Variants in TTC27 observed in about 807,000 individuals in gnomAD.
TTC27 encodes tetratricopeptide repeat protein 27.
In TTC27, 79 loss-of-function variants were observed where a neutral mutation model predicts 115.9. That is an observed-to-expected ratio of 0.68 (90% CI 0.57 to 0.82). TTC27 has a LOEUF of 0.82. Ranked by LOEUF, TTC27 falls within the 40% of genes least tolerant of loss-of-function variation. TTC27 has a pLI of 0.00. For synonymous variants in TTC27, 401 were observed against 356.0 expected (o/e 1.13, Z -1.42); for missense variants, 1,054 against 993.1 (o/e 1.06, Z -0.82).
In TTC27 at chr2:32,672,335, C is replaced by T; in HGVS notation, c.1003C>T (p.Gln335Ter). ...DIKLADCEQF[Q>*]MPDLCAEEIA... Reference sequence around the variant, plus strand: ...AAAGTTAGCAGATTGTGAACAGTTCCAGATGCCGGATCTGTGTGCTGAAGA... The same window carrying T: ...AAAGTTAGCAGATTGTGAACAGTTCTAGATGCCGGATCTGTGTGCTGAAGA... Residue 335 changes from glutamine (Q) to a stop codon, truncating the protein, a stop_gained, in exon 8 of 20, where the codon CAG becomes TAG. Coordinates refer to ENST00000317907, the MANE Select transcript of TTC27 (RefSeq NM_017735.5). LOFTEE classifies it high-confidence loss of function. 1 of 1,613,924 alleles carries T rather than the reference C, an allele frequency of 6.2e-7. No homozygotes were observed. Among genetic ancestry groups the T allele is most frequent in the Non-Finnish European group, 8.5e-7 (1 of 1,179,894 alleles).
chr2:32,798,469 C>T (rs1191903879), intron 16 of TTC27, among the ~76,000 whole-genome samples: 7 of 151,176 alleles, frequency 4.6e-5, no homozygotes, highest in Non-Finnish European at 7.4e-5. Flanking sequence ...TTTGGGAGGC[C>T]GAGGCGGGCG....
chr2:32,659,336 C>G (rs1665447767), intron 5 of TTC27, among the ~76,000 whole-genome samples: 1 of 144,046 alleles, frequency 6.9e-6, no homozygotes, highest in African/African-American at 2.5e-5. Flanking sequence ...TCGTCTTCAT[C>G]AGATTTTTGG....
intron 9 of TTC27, among the ~76,000 whole-genome samples, chr2:32,689,245 GTGGT>G: frequency 6.6e-6 from 1 of 152,232 alleles, no homozygotes; most frequent in African/African-American, 2.4e-5. Flanking sequence ...TGATTTAATA[GTGGT>G]TATATAGGTG....
chr2:32,791,969 T>C lies in TTC27; in HGVS notation c.1998+4820T>C, dbSNP rs76900338. On this transcript the variant is annotated intron_variant, in intron 16 of 19. Transcript: ENST00000317907. Reference sequence around the variant, plus strand: ...ATGTAATCACCACCCCAAACAGTTATGGAACATTTTCATTACTACAGAAAG... The same window carrying C: ...ATGTAATCACCACCCCAAACAGTTACGGAACATTTTCATTACTACAGAAAG... Among the ~76,000 whole-genome samples, 1,432 of 152,354 alleles carry C rather than the reference T, an allele frequency of 9.4e-3. 12 individuals carry two copies. Among genetic ancestry groups the C allele is most frequent in the Middle Eastern group, 0.027 (8 of 294 alleles).
At chr2:32,779,684 C>T (rs1221633929) in intron 14 of TTC27, among the ~76,000 whole-genome samples, 2 of 151,736 alleles carry the variant, frequency 1.3e-5, no homozygotes, top group Non-Finnish European at 2.9e-5. Flanking sequence ...TCTTTTGTTG[C>T]TCATACTTTT....
chr2:32,674,826 A>G lies in TTC27; in HGVS notation c.1052+2442A>G, dbSNP rs530664320. Among the ~76,000 whole-genome samples, 134 of 152,070 alleles carry G rather than the reference A, an allele frequency of 8.8e-4. 2 individuals carry two copies. Among genetic ancestry groups the G allele is most frequent in the African/African-American group, 2.9e-3 (121 of 41,488 alleles). ...AGGCGCCCACCACCACAGCTGGCTAATTTTGTTTTATGTATTTGGTAGATA... is the reference window on the plus strand; with the variant it reads ...AGGCGCCCACCACCACAGCTGGCTAGTTTTGTTTTATGTATTTGGTAGATA... On this transcript the variant is annotated intron_variant, in intron 8 of 19. Transcript: ENST00000317907.
chr2:32,785,044 C>G (rs757055873), intron 15 of TTC27, among the ~76,000 whole-genome samples: 193 of 152,168 alleles, frequency 1.3e-3, no homozygotes, highest in Non-Finnish European at 2.2e-3. Context: ...GGTAAATGCT[C>G]TTAACCTTTG....
At chr2:32,714,334 A>G (rs1280087834) in intron 10 of TTC27, among the ~76,000 whole-genome samples, 1 of 151,586 alleles carries the variant, frequency 6.6e-6, no homozygotes, top group African/African-American at 2.4e-5. Flanking sequence ...AATTTTTTGT[A>G]TTTTTAGTAG....
chr2:32,682,601 G>C (rs921867312), intron 9 of TTC27, among the ~76,000 whole-genome samples: 1 of 152,038 alleles, frequency 6.6e-6, no homozygotes, highest in African/African-American at 2.4e-5. Flanking sequence ...CCTGGGACTA[G>C]GGTTGTGAAC....
intron 10 of TTC27, among the ~76,000 whole-genome samples, chr2:32,719,712 C>A (rs377433174): frequency 6.6e-6 from 1 of 152,160 alleles, no homozygotes; most frequent in Admixed American, 6.5e-5. Flanking sequence ...AAGCTGGAGA[C>A]AATACAGCAT....
At chr2:32,750,673 A>C (rs1020446486) in intron 12 of TTC27, among the ~76,000 whole-genome samples, 1 of 152,218 alleles carries the variant, frequency 6.6e-6, no homozygotes, top group African/African-American at 2.4e-5. Flanking sequence ...GGAAACTTTA[A>C]AATTTCTTCA....
At chr2:32,744,169 A>G (rs1668739512) in intron 12 of TTC27, among the ~76,000 whole-genome samples, 1 of 152,208 alleles carries the variant, frequency 6.6e-6, no homozygotes, top group Admixed American at 6.5e-5. Flanking sequence ...TGTGGCTCTC[A>G]TATTTACAGC....
chr2:32,791,946 G>A (rs180881990), intron 16 of TTC27, among the ~76,000 whole-genome samples: 10 of 152,244 alleles, frequency 6.6e-5, no homozygotes, highest in African/African-American at 2.4e-4. Flanking sequence ...GTATTCTTAT[G>A]TAATCACCAC....
chr2:32,704,375 T>A (rs1453866900), intron 10 of TTC27, among the ~76,000 whole-genome samples: 1 of 151,998 alleles, frequency 6.6e-6, no homozygotes, highest in East Asian at 1.9e-4. Flanking sequence ...TTAGTAGAGA[T>A]GGAGGTTTCA....
At chr2:32,630,463 T>G in intron 1 of TTC27, 60 bp from the exon 2 acceptor site, 1 of 1,338,390 alleles carries the variant, frequency 7.5e-7, no homozygotes, top group Non-Finnish European at 1.0e-6. Flanking sequence ...AATAGTGTTA[T>G]CCTTTACGGT....
rs777824832 is a variant in TTC27, at chr2:32,812,565, A to G, written c.2258A>G (p.Asp753Gly). The change falls in exon 18 of 20, where the codon GAT (aspartate) becomes GGT (glycine). Residue 753 changes from aspartate to glycine, a missense_variant. Asp to Gly is a moderately conservative substitution (Grantham distance 94, BLOSUM62 -1). Coordinates refer to ENST00000317907, the MANE Select transcript of TTC27 (RefSeq NM_017735.5). Reference sequence around the variant, plus strand: ...ACCCAGTCCAATTGTTGGGAGAAAGATATTACATCATTTAAGGAAGTTGTT... The same window carrying G: ...ACCCAGTCCAATTGTTGGGAGAAAGGTATTACATCATTTAAGGAAGTTGTT... ...CDTQSNCWEK[D>G]ITSFKEVVQR... 22 of 1,614,138 alleles carry G rather than the reference A, an allele frequency of 1.4e-5. No homozygotes were observed. The highest frequency in any genetic ancestry group is 1.9e-5 in the Non-Finnish European group (22 of 1,179,978).
chr2:32,778,520 C>A (rs1281837782), intron 14 of TTC27, among the ~76,000 whole-genome samples: 2 of 152,192 alleles, frequency 1.3e-5, no homozygotes, highest in African/African-American at 4.8e-5. Flanking sequence ...CCCCTTCAGC[C>A]CTAGGCAAAC....
At chr2:32,758,839 A>G (rs1360354427) in intron 13 of TTC27, among the ~76,000 whole-genome samples, 6 of 152,244 alleles carry the variant, frequency 3.9e-5, no homozygotes, top group Non-Finnish European at 8.8e-5. Flanking sequence ...GAAAATGAAC[A>G]AGAGCCAAAA....
At chr2:32,644,136 G>A (rs1020712475) in intron 4 of TTC27, among the ~76,000 whole-genome samples, 5 of 141,734 alleles carry the variant, frequency 3.5e-5, no homozygotes, top group African/African-American at 1.3e-4. Flanking sequence ...AATCGAGATC[G>A]TTCCACTGCA....
Sources: allele counts gnomAD v4.1 joint callset (sites outside exome capture counted in the v4.1 genomes callset), GRCh38; gene constraint gnomAD v4.1.1; transcripts MANE v1.5; gene names NCBI Gene and HGNC (gene_info 2026-07-23, HGNC 2026-07-21).